The following WDR7 variants were observed in gnomAD, a reference collection of about 807,000 sequenced individuals.
The protein encoded by WDR7 is WD repeat-containing protein 7.
A neutral mutation model predicts 169.4 loss-of-function variants in WDR7; 46 were observed. The ratio of observed to expected loss-of-function variants is 0.27; its 90% CI spans 0.21 to 0.35. WDR7 has a LOEUF of 0.35. Ranked by LOEUF, WDR7 falls within the 10% of genes least tolerant of loss-of-function variation. The pLI is 1.00. For synonymous variants in WDR7, 612 were observed against 666.8 expected, an observed-to-expected ratio of 0.92 and a Z score of 1.27; for missense variants, 1,534 against 1,859.3, an observed-to-expected ratio of 0.83 and a Z score of 3.22.
At chr18:56,808,877 T>A (rs1259961541) in intron 19 of WDR7, among the ~76,000 whole-genome samples, 1 of 152,166 alleles carries the variant, frequency 6.6e-6, no homozygotes, top group Non-Finnish European at 1.5e-5. Flanking sequence ...TAAAAAATAT[T>A]GCATAAAATT....
chr18:56,846,745 A>G (rs1257249745), intron 20 of WDR7, among the ~76,000 whole-genome samples: 1 of 152,064 alleles, frequency 6.6e-6, no homozygotes, highest in East Asian at 1.9e-4. Flanking sequence ...TTGCCAAGTG[A>G]TGCACCTGCT....
intron 14 of WDR7, among the ~76,000 whole-genome samples, chr18:56,740,700 G>A (rs1280681308): frequency 1.3e-5 from 2 of 152,000 alleles, no homozygotes; most frequent in East Asian, 1.9e-4. Flanking sequence ...AATATTTAAC[G>A]GGGTTCTTTT....
chr18:56,880,194 T>G (rs1314155380), intron 21 of WDR7, 29 bp downstream of exon 21: 1 of 1,592,846 alleles, frequency 6.3e-7, no homozygotes, highest in Non-Finnish European at 8.6e-7. Flanking sequence ...AATGCTGATC[T>G]GTTGCTTCTG....
intron 21 of WDR7, among the ~76,000 whole-genome samples, chr18:56,895,142 G>A (rs770955233): frequency 1.3e-5 from 2 of 151,840 alleles, no homozygotes; most frequent in Non-Finnish European, 1.5e-5. Context: ...AGCAAATGTA[G>A]CAAAATAAGA....
At chr18:56,842,966 T>C (rs1265459687) in intron 20 of WDR7, among the ~76,000 whole-genome samples, 2 of 151,944 alleles carry the variant, frequency 1.3e-5, no homozygotes, top group African/African-American at 2.4e-5. Flanking sequence ...TTGCTTCTCT[T>C]TTTTTTTGGC....
chr18:56,711,841 A>C (rs187623030), intron 12 of WDR7, among the ~76,000 whole-genome samples: 1 of 152,292 alleles, frequency 6.6e-6, no homozygotes, highest in Admixed American at 6.5e-5. Flanking sequence ...TAAATGATGC[A>C]TCTTAACTGC....
chr18:56,860,326 G>C (rs922540397), intron 20 of WDR7, among the ~76,000 whole-genome samples: 9 of 152,050 alleles, frequency 5.9e-5, no homozygotes, highest in Non-Finnish European at 1.3e-4. Flanking sequence ...ATTTACTCTT[G>C]AAAGACTGAC....
chr18:56,988,085 G>A (rs1243364979), intron 26 of WDR7, among the ~76,000 whole-genome samples: 2 of 152,022 alleles, frequency 1.3e-5, no homozygotes, highest in Middle Eastern at 3.2e-3. Flanking sequence ...TGTTCATCAC[G>A]CCTCCTTCAG....
At chr18:56,854,162 G>T (rs549619878) in intron 20 of WDR7, among the ~76,000 whole-genome samples, 2 of 152,156 alleles carry the variant, frequency 1.3e-5, no homozygotes, top group Non-Finnish European at 2.9e-5. Flanking sequence ...AATCAGTTCC[G>T]CAGTGGCCAG....
In WDR7 at chr18:56,755,293, A is replaced by G. The variant is rs554431339; in HGVS notation, c.1990-1290A>G. Among the ~76,000 whole-genome samples, 6 of 152,166 alleles carry G rather than the reference A, an allele frequency of 3.9e-5. No homozygotes were observed. In the South Asian group the frequency reaches 1.0e-3, roughly 26 times the overall value. ...CTCAAGATCAGTTAGATATTCACCT[A>G]TATTGTGATTTAGTTTTTAAGAATT... On this transcript the variant is annotated intron_variant, in intron 14 of 27. Coordinates refer to ENST00000254442, the MANE Select transcript of WDR7 (RefSeq NM_015285.3).
intron 21 of WDR7, among the ~76,000 whole-genome samples, chr18:56,904,154 C>G (rs2046443991): frequency 6.6e-6 from 1 of 151,634 alleles, no homozygotes; most frequent in African/African-American, 2.4e-5. Flanking sequence ...ACTGCAACCT[C>G]TGCCTCCTGG....
intron 20 of WDR7, among the ~76,000 whole-genome samples, chr18:56,847,503 A>G (rs1325113949): frequency 2.6e-5 from 4 of 152,184 alleles, no homozygotes; most frequent in African/African-American, 7.2e-5. Context: ...TGGAGCAACC[A>G]CTTGCTAGAG....
chr18:56,695,374 G>T (rs2025676942), intron 11 of WDR7, among the ~76,000 whole-genome samples, 176 bp downstream of exon 11: 1 of 152,064 alleles, frequency 6.6e-6, no homozygotes, highest in African/African-American at 2.4e-5. Context: ...CCTGTTATTA[G>T]AATTAATACA....
chr18:56,680,396 A>G (rs1280754493), intron 3 of WDR7, among the ~76,000 whole-genome samples: 6 of 152,178 alleles, frequency 3.9e-5, no homozygotes, highest in Non-Finnish European at 5.9e-5. Flanking sequence ...CTCCCCACTG[A>G]AGAGAACCTT....
chr18:56,768,132 G>A (rs990100238), intron 16 of WDR7, among the ~76,000 whole-genome samples: 1 of 152,086 alleles, frequency 6.6e-6, no homozygotes, highest in African/African-American at 2.4e-5. Flanking sequence ...CCACCATGAT[G>A]GTGTTAGATT....
intron 26 of WDR7, among the ~76,000 whole-genome samples, chr18:57,002,225 T>C (rs983308076): frequency 2.0e-5 from 3 of 152,148 alleles, no homozygotes; most frequent in Admixed American, 2.0e-4. Flanking sequence ...CTAGAAATCT[T>C]TGGGTCAGAA....
chr18:56,976,693 T>G (rs948654047), intron 26 of WDR7, among the ~76,000 whole-genome samples: 6 of 152,154 alleles, frequency 3.9e-5, no homozygotes, highest in Admixed American at 1.3e-4. Flanking sequence ...AAGGGGAACT[T>G]TAAAACAAAT....
intron 21 of WDR7, among the ~76,000 whole-genome samples, chr18:56,886,309 T>C (rs1428312044): frequency 1.3e-5 from 2 of 152,186 alleles, no homozygotes; most frequent in African/African-American, 4.8e-5. Context: ...CCAGAAGGGA[T>C]TGAGGCCCTA....
chr18:56,726,635 A>C (rs533374318), intron 13 of WDR7, among the ~76,000 whole-genome samples: 1 of 152,128 alleles, frequency 6.6e-6, no homozygotes, highest in Non-Finnish European at 1.5e-5. Flanking sequence ...CTAATTGAAT[A>C]CCCTTTATTT....
Sources: allele counts gnomAD v4.1 joint callset (sites outside exome capture counted in the v4.1 genomes callset), GRCh38; gene constraint gnomAD v4.1.1; transcripts MANE v1.5; gene names NCBI Gene and HGNC (gene_info 2026-07-23, HGNC 2026-07-21).